The following CD300LG variants were observed in gnomAD, a reference collection of about 807,000 sequenced individuals.
The protein encoded by CD300LG is CD300 molecule like family member g, also known as CMRF35-like molecule 9.
A neutral mutation model predicts 31.5 loss-of-function variants in CD300LG; 29 were observed. The observed-to-expected ratio is 0.92, with a 90% CI of 0.68 to 1.25. The LOEUF is 1.25. CD300LG is among the 50% of genes most tolerant of loss of function. The pLI is 0.00. For missense variants in CD300LG, 396 were observed against 417.6 expected (o/e 0.95, Z 0.45); for synonymous variants, 175 against 177.2 (o/e 0.99, Z 0.10).
chr17:43,859,014 G>A (rs187810603), intron 6 of CD300LG, among the ~76,000 whole-genome samples: 34 of 152,256 alleles, frequency 2.2e-4, no homozygotes, highest in African/African-American at 7.5e-4. Flanking sequence ...CCTTCATTTT[G>A]CAGATGAAGA....
Position 43,847,268 on chromosome 17 carries a change from G to C in CD300LG, c.43+9G>C. 1 of 1,613,782 alleles carries C rather than the reference G, an allele frequency of 6.2e-7. No homozygotes were observed. Among genetic ancestry groups the C allele is most frequent in the Non-Finnish European group, 8.5e-7 (1 of 1,179,852 alleles). ...TTGCCTGCTGCTCCCAGGTGAGATG[G>C]GGAGAGGGTCTCGGGAGGGATGTGG... is the stretch of plus-strand genomic sequence containing the variant. On this transcript the variant is annotated intron_variant, in intron 1 of 6. Transcript: ENST00000317310.
At chr17:43,859,041 G>GA (rs1304504689) in intron 6 of CD300LG, among the ~76,000 whole-genome samples, 1 of 152,202 alleles carries the variant, frequency 6.6e-6, no homozygotes, top group Admixed American at 6.5e-5. Flanking sequence ...GGCTCAGAGA[G>GA]AAAAGGGAAA....
At chr17:43,859,184 C>T (rs1420566643) in intron 6 of CD300LG, among the ~76,000 whole-genome samples, 1 of 152,224 alleles carries the variant, frequency 6.6e-6, no homozygotes, top group African/African-American at 2.4e-5. Flanking sequence ...GAGCCAAGTT[C>T]GCAGCCCAAG....
intron 6 of CD300LG, chr17:43,857,615 C>T: frequency 8.7e-7 from 1 of 1,144,970 alleles, no homozygotes; most frequent in Non-Finnish European, 1.3e-6. Flanking sequence ...CCAGCTGAAC[C>T]CTCCAGGGGT....
intron 5 of CD300LG, 70 bp downstream of exon 5, chr17:43,855,389 C>G: frequency 1.2e-6 from 1 of 856,162 alleles, no homozygotes; most frequent in East Asian, 3.0e-5. Context: ...ACCTGCAGCT[C>G]CCCATCCAGC....
intron 2 of CD300LG, among the ~76,000 whole-genome samples, chr17:43,852,537 C>T (rs182612058): frequency 1.4e-3 from 207 of 152,240 alleles, no homozygotes; most frequent in Non-Finnish European, 1.5e-3. Flanking sequence ...TAAGAGGCCT[C>T]GAAAGGCATA....
At chr17:43,854,543 C>T (rs1442417123) in intron 4 of CD300LG, among the ~76,000 whole-genome samples, 2 of 152,144 alleles carry the variant, frequency 1.3e-5, no homozygotes, top group African/African-American at 2.4e-5. Context: ...GGCGGGGATC[C>T]GTTCCACACC....
intron 1 of CD300LG, among the ~76,000 whole-genome samples, chr17:43,847,978 C>T (rs2046232607): frequency 6.6e-6 from 1 of 151,982 alleles, no homozygotes; most frequent in Non-Finnish European, 1.5e-5. Context: ...CACGGTGGCT[C>T]ACGCCTGTAA....
chr17:43,855,238 C>T lies in CD300LG; in HGVS notation c.751C>T (p.Pro251Ser), dbSNP rs755494466. ...VSIPMVRILA[P>S]VLVLLSLLSA... ...CATCCCGATGGTCCGCATACTGGCC[C>T]CAGTCCTGGTGCTGCTGAGCCTTCT... The change falls in exon 5 of 7, where the codon CCA (proline) becomes TCA (serine). Residue 251 changes from proline (P) to serine (S), a missense_variant. Coordinates refer to ENST00000317310, the MANE Select transcript of CD300LG (RefSeq NM_145273.4). The T allele has an allele frequency of 1.2e-6, 2 of 1,610,224 alleles. No homozygotes were observed. Among genetic ancestry groups the T allele is most frequent in the East Asian group, 4.5e-5 (2 of 44,682 alleles).
At chr17:43,861,507 C>T (rs1248918025) in intron 6 of CD300LG, among the ~76,000 whole-genome samples, 4 of 152,302 alleles carry the variant, frequency 2.6e-5, no homozygotes, top group Non-Finnish European at 5.9e-5. Context: ...TTGGGAGTCA[C>T]AGCTGACAGT....
chr17:43,862,015 C>T lies in CD300LG; in HGVS notation c.*104C>T, dbSNP rs755510951. Reference sequence around the variant, plus strand: ...ACCTCAGCCTCAGAGTCCAGCTGCCCGGACTCCAGGGCTCTCCCCACCCTC... The same window carrying T: ...ACCTCAGCCTCAGAGTCCAGCTGCCTGGACTCCAGGGCTCTCCCCACCCTC... On this transcript the variant is annotated 3_prime_UTR_variant, in exon 7 of 7. Transcript: ENST00000317310. 5.5e-4 allele frequency: 407 copies of T among 742,584 alleles called. 1 individual carries two copies. Among genetic ancestry groups the T allele is most frequent in the Non-Finnish European group, 6.8e-4 (327 of 479,014 alleles). The allele number at this position is 742,584 out of a possible 1,614,324, so 46.0% of individuals were successfully genotyped here.
intron 2 of CD300LG, among the ~76,000 whole-genome samples, chr17:43,850,688 G>A (rs1383565828): frequency 6.6e-6 from 1 of 151,838 alleles, no homozygotes; most frequent in African/African-American, 2.4e-5. Flanking sequence ...ATATTGGCCT[G>A]TCTGGTCTCA....
At position 43,848,643 on chromosome 17, in the gene CD300LG, G is replaced by A. The variant is rs753314239; in HGVS notation, c.129G>A (p.Leu43=). The part of the protein sequence containing the change: ...VSLQCTYREE[L]RDHRKYWCRK... Reference sequence around the variant, plus strand: ...TGCAGTGCACCTACAGGGAAGAGCTGAGGGACCACCGGAAGTACTGGTGCA... The same window carrying A: ...TGCAGTGCACCTACAGGGAAGAGCTAAGGGACCACCGGAAGTACTGGTGCA... Residue 43 remains leucine, a synonymous_variant, in exon 2 of 7, where the codon CTG becomes CTA. Coordinates refer to ENST00000317310, the MANE Select transcript of CD300LG (RefSeq NM_145273.4). 2.7e-5 allele frequency: 44 copies of A among 1,614,126 alleles called. No homozygotes were observed. Among genetic ancestry groups the A allele is most frequent in the East Asian group, 6.7e-5 (3 of 44,864 alleles).
intron 3 of CD300LG, 145 bp downstream of exon 3, chr17:43,853,158 G>A: frequency 1.6e-6 from 1 of 641,132 alleles, no homozygotes. Context: ...AGCTGTGGAA[G>A]TGGAGGCTCA....
chr17:43,849,079 T>C, intron 2 of CD300LG, 186 bp downstream of exon 2: 1 of 614,776 alleles, frequency 1.6e-6, no homozygotes, highest in Admixed American at 2.9e-5. Flanking sequence ...ATTGTCTCAC[T>C]CTTGCTGCCC....
Position 43,861,923 on chromosome 17 carries a change from C to T in CD300LG, c.*12C>T, listed in dbSNP as rs369850964. On this transcript the variant is annotated 3_prime_UTR_variant, in exon 7 of 7. Transcript: ENST00000317310. ...TTGTCTCAGCGTAGGGCAGGAGGCC[C>T]TCCTGGCCAGGCCAGCAGTGAAGCA... is the stretch of plus-strand genomic sequence containing the variant. The T allele has an allele frequency of 8.8e-5, 139 of 1,587,294 alleles. No individual in the cohort carries two copies. The highest frequency in any genetic ancestry group is 2.9e-5 in the Non-Finnish European group (34 of 1,165,564).
chr17:43,861,396 C>A (rs2046651161), intron 6 of CD300LG: 5 of 568,896 alleles, frequency 8.8e-6, no homozygotes, highest in Non-Finnish European at 1.1e-5. Context: ...ACCCACCTTC[C>A]CCATTCACAG....
intron 5 of CD300LG, 99 bp from the exon 6 acceptor site, chr17:43,857,005 C>G (rs2046540699): frequency 8.3e-7 from 1 of 1,208,944 alleles, no homozygotes; most frequent in African/African-American, 1.5e-5. Flanking sequence ...GCCCCTGCTC[C>G]CGTGTGCAAG....
chr17:43,853,708 C>A, intron 3 of CD300LG, 99 bp from the exon 4 acceptor site: 2 of 949,964 alleles, frequency 2.1e-6, no homozygotes, highest in Non-Finnish European at 3.3e-6. Context: ...AGAAACGGGT[C>A]CCAGGGAGGC....
Sources: allele counts gnomAD v4.1 joint callset (sites outside exome capture counted in the v4.1 genomes callset), GRCh38; gene constraint gnomAD v4.1.1; transcripts MANE v1.5; gene names NCBI Gene and HGNC (gene_info 2026-07-23, HGNC 2026-07-21).